Variants in HEATR5A observed in about 807,000 individuals in gnomAD.
The protein encoded by HEATR5A is HEAT repeat-containing protein 5A.
In HEATR5A, 178 loss-of-function variants were observed where a neutral mutation model predicts 218.8. The ratio of observed to expected loss-of-function variants is 0.81; its 90% CI spans 0.72 to 0.92. HEATR5A has a LOEUF of 0.92. Ranked by LOEUF, HEATR5A falls within the 40% of genes least tolerant of loss-of-function variation. The probability of loss-of-function intolerance (pLI) is 0.00; values close to 1 mark genes in which losing one functional copy is unlikely to be tolerated. For missense variants in HEATR5A, 2,420 were observed against 2,418.9 expected (o/e 1.00, Z -0.01); for synonymous variants, 864 against 871.6 (o/e 0.99, Z 0.15).
intron 26 of HEATR5A, among the ~76,000 whole-genome samples, chr14:31,317,395 C>T (rs1899948729): frequency 6.7e-6 from 1 of 150,362 alleles, no homozygotes; most frequent in Non-Finnish European, 1.5e-5. Context: ...GCCTCTGCCT[C>T]CCCCAGGTTC....
intron 22 of HEATR5A, among the ~76,000 whole-genome samples, chr14:31,337,089 T>C (rs1900695778): frequency 6.6e-6 from 1 of 152,222 alleles, no homozygotes; most frequent in Admixed American, 6.5e-5. Context: ...GGGACCACTG[T>C]TGTATGTGCA....
chr14:31,381,785 C>CA (rs1341795086), intron 10 of HEATR5A, among the ~76,000 whole-genome samples: 1 of 151,432 alleles, frequency 6.6e-6, no homozygotes, highest in African/African-American at 2.4e-5. Context: ...GACCCTGTTT[C>CA]AAAAAAAGGG....
At position 31,321,599 on chromosome 14, in the gene HEATR5A, A is replaced by G; in HGVS notation, c.3869T>C (p.Leu1290Pro). The G allele has an allele frequency of 6.2e-7, 1 of 1,610,000 alleles. No homozygotes were observed. The highest frequency in any genetic ancestry group is 1.1e-5 in the South Asian group (1 of 89,948). The change falls in exon 25 of 36, where the codon CTT (leucine) becomes CCT (proline). Residue 1290 changes from leucine to proline, a missense_variant. Coordinates refer to ENST00000543095, the MANE Select transcript of HEATR5A (RefSeq NM_015473.4). ...AATDHSDQLR[L>P]SGLEMLLVVI... ...AACTAACAGCATTTCAAGGCCAGAAAGACGGAGCTGGTCACTGTGATCTGT... is the reference window on the plus strand; with the variant it reads ...AACTAACAGCATTTCAAGGCCAGAAGGACGGAGCTGGTCACTGTGATCTGT...
rs117228248 is a variant in HEATR5A, at chr14:31,314,746, T to C, written c.4218+1024A>G. ...AGGCACAACTACTTCCTAATGAAGG[T>C]TGTGCTAAATAATGACAAAAATAAA... On this transcript the variant is annotated intron_variant, in intron 27 of 35. Transcript: ENST00000543095. Among the ~76,000 whole-genome samples, 85 of 152,156 alleles carry C rather than the reference T, an allele frequency of 5.6e-4. No individual in the cohort carries two copies. The East Asian group carries it at 0.01, about 18-fold the overall frequency.
chr14:31,409,977 A>G (rs1055028265), intron 1 of HEATR5A, among the ~76,000 whole-genome samples: 1 of 152,228 alleles, frequency 6.6e-6, no homozygotes, highest in African/African-American at 2.4e-5. Flanking sequence ...AAATGATTAT[A>G]TCATTTCAAG....
Position 31,349,932 on chromosome 14 carries a change from T to C in HEATR5A, c.2565A>G (p.Arg855=), listed in dbSNP as rs1029982469. 13 of 1,606,680 alleles carry C rather than the reference T, an allele frequency of 8.1e-6. No homozygotes were observed. Among genetic ancestry groups the C allele is most frequent in the Non-Finnish European group, 1.0e-5 (12 of 1,176,210 alleles). Residue 855 remains arginine, a synonymous_variant, in exon 18 of 36, where the codon AGA becomes AGG. Transcript: ENST00000543095. Reference sequence around the variant, plus strand: ...CTCCCATAACTAATGTTAAGGCAAATCTTTTCATTTCTTCTGGACCTAAAC... The same window carrying C: ...CTCCCATAACTAATGTTAAGGCAAACCTTTTCATTTCTTCTGGACCTAAAC... ...KGCLGPEEMK[R]FALTLVMGAL...
At chr14:31,414,129 C>T (rs1414756950) in intron 1 of HEATR5A, among the ~76,000 whole-genome samples, 6 of 151,952 alleles carry the variant, frequency 3.9e-5, no homozygotes, top group African/African-American at 1.5e-4. Flanking sequence ...TCTCCCATCT[C>T]TCCATGGAAG....
intron 6 of HEATR5A, among the ~76,000 whole-genome samples, chr14:31,391,862 T>C (rs1318420238): frequency 6.6e-6 from 1 of 152,196 alleles, no homozygotes; most frequent in East Asian, 1.9e-4. Context: ...AGAGCAATAG[T>C]CTATACCATA....
rs768022134 is a variant in HEATR5A at position 31,387,274 on chromosome 14, A to C, written c.1035T>G (p.Pro345=). ...CATCGATCTGAGTTTGGGTGGCTTT[A>C]GGGTGTGACGGTGACGCAAGGCTTA... ...HILSLASPSH[P]KATQTQIDAV... is the part of the protein sequence containing the mutation. Residue 345 remains proline (P), a synonymous_variant, in exon 8 of 36, where the codon CCT becomes CCG. Transcript: ENST00000543095. The C allele has an allele frequency of 1.9e-6, 3 of 1,614,018 alleles. No individual in the cohort carries two copies. Among genetic ancestry groups the C allele is most frequent in the African/African-American group, 1.3e-5 (1 of 75,052 alleles).
intron 12 of HEATR5A, among the ~76,000 whole-genome samples, chr14:31,374,478 C>T (rs1902154372): frequency 6.6e-6 from 1 of 151,978 alleles, no homozygotes. Context: ...ACTGTATAGG[C>T]TAAATGGAAA....
chr14:31,412,340 T>C (rs1044498483), intron 1 of HEATR5A, among the ~76,000 whole-genome samples: 26 of 151,448 alleles, frequency 1.7e-4, no homozygotes, highest in African/African-American at 5.1e-4. Context: ...CGGTGGCCTG[T>C]AATCCCAGCA....
rs1257698377 is a variant in HEATR5A, at chr14:31,293,365, A to C, written c.6081T>G (p.Ser2027=). Residue 2027 remains serine, a synonymous_variant, in exon 36 of 36, where the codon TCT becomes TCG. Coordinates refer to ENST00000543095, the MANE Select transcript of HEATR5A (RefSeq NM_015473.4). ...TTTTTCCAGGACTCTTAGTATATTT[A>C]GATGTTGGTATCTTGACTTTGACAC... is the stretch of plus-strand genomic sequence containing the variant. ...QESVKVKIPT[S]KYTKSPGKNS... is the part of the protein sequence containing the mutation. 6.2e-7 allele frequency: 1 copy of C among 1,613,528 alleles called. No individual in the cohort carries two copies. Among genetic ancestry groups the C allele is most frequent in the Admixed American group, 1.7e-5 (1 of 59,924 alleles).
At chr14:31,386,906 A>C (rs1010541688) in intron 8 of HEATR5A, among the ~76,000 whole-genome samples, 2 of 152,254 alleles carry the variant, frequency 1.3e-5, no homozygotes, top group African/African-American at 4.8e-5. Context: ...ATTCGAGATA[A>C]GCAGAGTAGA....
chr14:31,409,020 A>C (rs1422352372), intron 1 of HEATR5A, among the ~76,000 whole-genome samples: 2 of 11,630 alleles, frequency 1.7e-4, no homozygotes, highest in Non-Finnish European at 7.4e-4. Context: ...CCGCCACTGC[A>C]CTCCAGCCTG....
intron 4 of HEATR5A, among the ~76,000 whole-genome samples, chr14:31,398,034 C>T (rs1253460167): frequency 2.0e-5 from 3 of 152,114 alleles, no homozygotes; most frequent in Admixed American, 6.6e-5. Context: ...CATATAAATG[C>T]TTTCATTTCA....
intron 26 of HEATR5A, among the ~76,000 whole-genome samples, chr14:31,317,001 T>C (rs1331242892): frequency 6.6e-6 from 1 of 152,194 alleles, no homozygotes; most frequent in Non-Finnish European, 1.5e-5. Flanking sequence ...ATTTCTCTTT[T>C]TCTAAGGAAA....
chr14:31,398,655 G>A lies in HEATR5A; in HGVS notation c.447+18C>T. The A allele has an allele frequency of 7.6e-7, 1 of 1,312,176 alleles. No homozygotes were observed. The highest frequency in any genetic ancestry group is 2.5e-5 in the East Asian group (1 of 39,750). 81.3% of individuals were successfully genotyped at this position (1,312,176 alleles called of 1,614,324 possible). A position where few individuals can be genotyped will look rare whatever the true frequency, so the allele number is the denominator to read the frequency against. The stretch of plus-strand genomic sequence containing the variant: ...AATGCTGTCTTTTCATTCTTTGGCT[G>A]AACTTGTAATTACTTACCTCTGCAC... On this transcript the variant is annotated intron_variant, in intron 4 of 35. Coordinates refer to ENST00000543095, the MANE Select transcript of HEATR5A (RefSeq NM_015473.4).
intron 27 of HEATR5A, among the ~76,000 whole-genome samples, chr14:31,314,194 C>T (rs1038654353): frequency 1.3e-5 from 2 of 152,072 alleles, no homozygotes; most frequent in African/African-American, 2.4e-5. Flanking sequence ...GTGATCTGCC[C>T]GCCTCAGCCT....
chr14:31,325,484 A>ATATG (rs543647892), intron 23 of HEATR5A, among the ~76,000 whole-genome samples: 9,305 of 142,224 alleles, frequency 0.065, 291 homozygotes, highest in African/African-American at 0.095. Flanking sequence ...ATGTATGAAC[A>ATATG]TATGTATGTA....
Sources: gnomAD v4.1 joint callset for allele counts (sites outside exome capture counted in the v4.1 genomes callset) on GRCh38, gnomAD v4.1.1 for gene constraint, MANE v1.5 for transcripts, NCBI Gene and HGNC (gene_info 2026-07-23, HGNC 2026-07-21) for gene names.